CPB2: variants seen among roughly 807,000 people sequenced by gnomAD.
CPB2 encodes the protein carboxypeptidase B-like protein.
A neutral mutation model predicts 57.0 loss-of-function variants in CPB2; 54 were observed. The observed-to-expected ratio is 0.95, with a 90% CI of 0.76 to 1.19. The LOEUF is 1.19. CPB2 is among the 50% of genes most tolerant of loss of function. The probability of loss-of-function intolerance (pLI) is 0.00; values close to 1 mark genes in which losing one functional copy is unlikely to be tolerated. For synonymous variants in CPB2, 189 were observed against 178.1 expected (o/e 1.06, Z -0.49); for missense variants, 426 against 512.0 (o/e 0.83, Z 1.62).
chr13:46,082,722 A>T (rs541074387), intron 3 of CPB2, among the ~76,000 whole-genome samples, 173 bp from the exon 4 acceptor site: 1 of 152,342 alleles, frequency 6.6e-6, no homozygotes, highest in South Asian at 2.1e-4. Context: ...CTGGTTGACA[A>T]ACCCTTTCAG....
Position 46,064,746 on chromosome 13 carries a change from A to G in CPB2, c.703-5T>C, listed in dbSNP as rs759640511. On this transcript the variant is annotated splice_region_variant and splice_polypyrimidine_tract_variant and intron_variant, in intron 7 of 10. Transcript: ENST00000181383. Reference sequence around the variant, plus strand: ...GTTCTTTCTCCACATTCGATTCTACATAAACAAAATACAAACAGACAACCT... The same window carrying G: ...GTTCTTTCTCCACATTCGATTCTACGTAAACAAAATACAAACAGACAACCT... 1.9e-6 allele frequency: 3 copies of G among 1,612,762 alleles called. No homozygotes were observed. Among genetic ancestry groups the G allele is most frequent in the East Asian group, 2.2e-5 (1 of 44,858 alleles).
At position 46,073,868 on chromosome 13, in the gene CPB2, C is replaced by G; in HGVS notation, c.591+5G>C. 1 of 1,526,204 alleles carries G rather than the reference C, an allele frequency of 6.6e-7. No homozygotes were observed. The highest frequency in any genetic ancestry group is 9.0e-7 in the Non-Finnish European group (1 of 1,116,478). The allele number at this position is 1,526,204 out of a possible 1,614,324, so 94.5% of individuals were successfully genotyped here. A position where few individuals can be genotyped will look rare whatever the true frequency, so the allele number is the denominator to read the frequency against. On this transcript the variant is annotated splice_donor_5th_base_variant and intron_variant, in intron 6 of 10. Coordinates refer to ENST00000181383, the MANE Select transcript of CPB2 (RefSeq NM_001872.5). ...AAATAGGGTTAAGAGAATGTGAATA[C>G]TTACATGGCCTATGAACCACAAGCA... is the stretch of plus-strand genomic sequence containing the variant.
At chr13:46,099,958 G>A (rs2045413292) in intron 1 of CPB2, 1 of 152,134 alleles carries the variant, frequency 6.6e-6, no homozygotes, top group African/African-American at 2.4e-5. Flanking sequence ...CCACGAGGTG[G>A]AGGTTACAGT....
Position 46,087,813 on chromosome 13 carries a change from C to A in CPB2, c.82G>T (p.Val28Phe). 6.2e-7 allele frequency: 1 copy of A among 1,607,928 alleles called. No individual in the cohort carries two copies. The highest frequency in any genetic ancestry group is 8.5e-7 in the Non-Finnish European group (1 of 1,176,692). Residue 28 changes from valine (V) to phenylalanine (F), a missense_variant, in exon 2 of 11, where the codon GTT (valine) becomes TTT (phenylalanine). Val to Phe is a conservative substitution (Grantham distance 50, BLOSUM62 -1). Coordinates refer to ENST00000181383, the MANE Select transcript of CPB2 (RefSeq NM_001872.5). ...QHVFAFQSGQ[V>F]LAALPRTSRQ... ...GAGGTTCTAGGAAGAGCAGCTAGAA[C>A]TTGGCCACTGGGGAAAAAAATAAAA...
At position 46,082,454 on chromosome 13, in the gene CPB2, T is replaced by C. The variant is rs1292571120; in HGVS notation, c.371A>G (p.His124Arg). The C allele has an allele frequency of 1.2e-6, 2 of 1,605,434 alleles. No individual in the cohort carries two copies. The highest frequency in any genetic ancestry group is 1.1e-5 in the South Asian group (1 of 90,280). The change falls in exon 4 of 11, where the codon CAC becomes CGC. Residue 124 changes from histidine to arginine, a missense_variant. Transcript: ENST00000181383. ...GTGATGGCTTACTTCATTTAGTGAG[T>C]GATACTGTTCATAGTACGATGCGGA... Reference protein sequence around the residue: ...RASASYYEQYHSLNEIYSWIE... With the variant: ...RASASYYEQYRSLNEIYSWIE...
intron 4 of CPB2, among the ~76,000 whole-genome samples, chr13:46,079,549 AAAAAAAGAAAAG>A (rs1461988467): frequency 1.4e-5 from 2 of 147,054 alleles, no homozygotes; most frequent in South Asian, 2.1e-4. Flanking sequence ...AAAAAAAAAA[AAAAAAAGAAAAG>A]AAAAGAAAAG....
chr13:46,067,460 CT>C, intron 6 of CPB2, 43 bp from the exon 7 acceptor site: 1 of 948,838 alleles, frequency 1.1e-6, no homozygotes, highest in Non-Finnish European at 1.7e-6. Context: ...GTTTTAAGTT[CT>C]TCTAAACTTA....
chr13:46,076,957 A>G (rs2045031693), intron 5 of CPB2, among the ~76,000 whole-genome samples: 1 of 152,196 alleles, frequency 6.6e-6, no homozygotes, highest in African/African-American at 2.4e-5. Context: ...TAAATGTAAT[A>G]CCTAAAACTA....
At chr13:46,060,870 G>T (rs1385363286) in intron 8 of CPB2, among the ~76,000 whole-genome samples, 1 of 152,138 alleles carries the variant, frequency 6.6e-6, no homozygotes, top group Non-Finnish European at 1.5e-5. Context: ...CTCAGCCTCA[G>T]GGGCCTCATC....
chr13:46,064,724 C>A lies in CPB2; in HGVS notation c.720G>T (p.Lys240Asn). The change falls in exon 8 of 11, where the codon AAG becomes AAT. Residue 240 changes from lysine (K) to asparagine (N), a missense_variant. By Grantham distance (94) the Lys-to-Asn change is moderately conservative (BLOSUM62 0). Transcript: ENST00000181383. ...GATTGTTCGCATAGAAAGAACGGTT[C>A]TTTCTCCACATTCGATTCTACATAA... ...YSWKKNRMWR[K>N]NRSFYANNHC... 6.2e-7 allele frequency: 1 copy of A among 1,614,074 alleles called. No homozygotes were observed. The highest frequency in any genetic ancestry group is 8.5e-7 in the Non-Finnish European group (1 of 1,179,950).
chr13:46,063,592 C>T (rs1465359725), intron 8 of CPB2, among the ~76,000 whole-genome samples: 1 of 152,152 alleles, frequency 6.6e-6, no homozygotes, highest in African/African-American at 2.4e-5. Flanking sequence ...TAGATTGATT[C>T]CATGTCTTTG....
At chr13:46,067,241 A>G in intron 7 of CPB2, 66 bp downstream of exon 7, 7 of 772,414 alleles carry the variant, frequency 9.1e-6, no homozygotes, top group Non-Finnish European at 1.5e-5. Flanking sequence ...TTCTATGAAT[A>G]ATTCAACCTG....
At position 46,064,594 on chromosome 13, in the gene CPB2, G is replaced by T; in HGVS notation, c.796+54C>A. ...TTTGAATTCATGGGCCTTTCCCTGT[G>T]AACATCACCCTTTCAGTGAAGAGAC... is the stretch of plus-strand genomic sequence containing the variant. On this transcript the variant is annotated intron_variant, in intron 8 of 10. Coordinates refer to ENST00000181383, the MANE Select transcript of CPB2 (RefSeq NM_001872.5). 2.1e-6 allele frequency: 3 copies of T among 1,411,154 alleles called. No individual in the cohort carries two copies. The South Asian group carries it at 3.5e-5, about 16-fold the overall frequency. The allele number at this position is 1,411,154 out of a possible 1,614,324, so 87.4% of individuals were successfully genotyped here.
chr13:46,059,577 T>TATCATCATC (rs10571812), intron 8 of CPB2, among the ~76,000 whole-genome samples: 17 of 150,140 alleles, frequency 1.1e-4, no homozygotes, highest in Non-Finnish European at 1.8e-4. Context: ...TGTTGCTGTT[T>TATCATCATC]ATCATCATCA....
At chr13:46,095,492 C>T (rs2045352201) in intron 1 of CPB2, among the ~76,000 whole-genome samples, 1 of 152,180 alleles carries the variant, frequency 6.6e-6, no homozygotes, top group Non-Finnish European at 1.5e-5. Flanking sequence ...TCAAACTCAA[C>T]CAAGCAACAA....
chr13:46,055,875 C>T (rs2139341278), intron 9 of CPB2, 26 bp from the exon 10 acceptor site: 3 of 1,324,824 alleles, frequency 2.3e-6, no homozygotes, highest in Non-Finnish European at 3.2e-6. Flanking sequence ...TATAGAATTT[C>T]AGTTAATGTG....
At chr13:46,090,578 G>A (rs7329666) in intron 1 of CPB2, among the ~76,000 whole-genome samples, 2,851 of 151,662 alleles carry the variant, frequency 0.019, 35 homozygotes, top group Middle Eastern at 0.1. Flanking sequence ...TAGTCAGGCT[G>A]GTCTCGAACT....
chr13:46,072,086 C>T (rs1254076642), intron 6 of CPB2, among the ~76,000 whole-genome samples: 4 of 151,980 alleles, frequency 2.6e-5, no homozygotes, highest in East Asian at 1.9e-4. Context: ...TCTGCCTTTG[C>T]GGAAAGAGAA....
chr13:46,093,922 A>G (rs1325105470), intron 1 of CPB2, among the ~76,000 whole-genome samples: 1 of 152,222 alleles, frequency 6.6e-6, no homozygotes, highest in East Asian at 1.9e-4. Flanking sequence ...TCATATTTTC[A>G]CCAGGATGGT....
Sources: allele counts gnomAD v4.1 joint callset (sites outside exome capture counted in the v4.1 genomes callset), GRCh38; gene constraint gnomAD v4.1.1; transcripts MANE v1.5; gene names NCBI Gene and HGNC (gene_info 2026-07-23, HGNC 2026-07-21).